The following DPYSL5 variants were observed in gnomAD, a reference collection of about 807,000 sequenced individuals.
DPYSL5 encodes the protein dihydropyrimidinase like 5.
In DPYSL5, 9 loss-of-function variants were observed where a neutral mutation model predicts 58.4. The ratio of observed to expected loss-of-function variants is 0.15; its 90% CI spans 0.09 to 0.27. The LOEUF is 0.27. Among genes scored for constraint, DPYSL5 ranks in the 10% least tolerant of loss-of-function variants. The pLI is 1.00. For synonymous variants in DPYSL5, 293 were observed against 301.9 expected, an observed-to-expected ratio of 0.97 and a Z score of 0.31; for missense variants, 499 against 770.6, an observed-to-expected ratio of 0.65 and a Z score of 4.17.
intron 1 of DPYSL5, among the ~76,000 whole-genome samples, chr2:26,886,143 G>A (rs1267855934): frequency 2.0e-5 from 3 of 152,224 alleles, no homozygotes; most frequent in Non-Finnish European, 4.4e-5. Context: ...GAGAACTGGG[G>A]GTTGTGAAAA....
intron 1 of DPYSL5, among the ~76,000 whole-genome samples, chr2:26,862,644 C>A (rs1451247422): frequency 6.6e-6 from 1 of 152,194 alleles, no homozygotes; most frequent in African/African-American, 2.4e-5. Context: ...TCCCTACCTG[C>A]TCCCTGGCTT....
intron 2 of DPYSL5, among the ~76,000 whole-genome samples, chr2:26,910,979 C>T (rs1315268873): frequency 1.3e-5 from 2 of 151,166 alleles, no homozygotes; most frequent in Admixed American, 1.3e-4. Flanking sequence ...AGATTTTCCC[C>T]TATGTTTTCT....
At chr2:26,861,256 T>C (rs978445605) in intron 1 of DPYSL5, among the ~76,000 whole-genome samples, 1 of 152,244 alleles carries the variant, frequency 6.6e-6, no homozygotes, top group Non-Finnish European at 1.5e-5. Flanking sequence ...GACTATCAAA[T>C]AGCTTTTCCA....
intron 12 of DPYSL5, among the ~76,000 whole-genome samples, chr2:26,945,051 G>T (rs780784218): frequency 7.9e-5 from 12 of 152,120 alleles, no homozygotes; most frequent in Non-Finnish European, 1.3e-4. Flanking sequence ...GGCCCACCTG[G>T]GGCTCTGCTC....
At chr2:26,918,144 A>T (rs1250442220) in intron 2 of DPYSL5, among the ~76,000 whole-genome samples, 1 of 148,228 alleles carries the variant, frequency 6.7e-6, no homozygotes, top group Non-Finnish European at 1.5e-5. Context: ...TCAAAAAAAA[A>T]AAAAAAAAAA....
In DPYSL5 at chr2:26,934,707, C is replaced by T; in HGVS notation, c.920C>T (p.Ser307Leu). 1 of 1,614,196 alleles carries T rather than the reference C, an allele frequency of 6.2e-7. No individual in the cohort carries two copies. The highest frequency in any genetic ancestry group is 8.5e-7 in the Non-Finnish European group (1 of 1,180,034). Reference sequence around the variant, plus strand: ...CCCCTGAGACTGGACACCAACACCTCAACCTACCTCATGAGCCTGCTGGCC... The same window carrying T: ...CCCCTGAGACTGGACACCAACACCTTAACCTACCTCATGAGCCTGCTGGCC... ...VPPLRLDTNTSTYLMSLLAND... is the reference protein window; with the variant it reads ...VPPLRLDTNTLTYLMSLLAND... The change falls in exon 8 of 13, where the codon TCA (serine) becomes TTA (leucine). Residue 307 changes from serine to leucine, a missense_variant. This residue lies in a region of DPYSL5 where 404 missense variants were observed against 647.6 expected (regional missense o/e 0.62). Coordinates refer to ENST00000288699, the MANE Select transcript of DPYSL5 (RefSeq NM_020134.4). The surrounding 1 kb of genome is among the most constrained non-coding windows in gnomAD (Gnocchi z 4.3).
intron 2 of DPYSL5, among the ~76,000 whole-genome samples, chr2:26,907,708 C>T (rs1285775975): frequency 1.3e-5 from 2 of 152,196 alleles, no homozygotes; most frequent in African/African-American, 4.8e-5. Context: ...TCAAGGCGAA[C>T]AGCCTCTCGT....
chr2:26,946,177 G>A (rs1339940035), intron 12 of DPYSL5, among the ~76,000 whole-genome samples: 3 of 152,196 alleles, frequency 2.0e-5, no homozygotes, highest in African/African-American at 4.8e-5. Flanking sequence ...AGACCCACGA[G>A]AGGCACCAAG....
In DPYSL5 at chr2:26,898,782, G is replaced by A. The variant is rs116231110; in HGVS notation, c.261+22G>A. 4.8e-3 allele frequency: 7,683 copies of A among 1,585,836 alleles called. 28 individuals are homozygous for A. Among genetic ancestry groups the A allele is most frequent in the Non-Finnish European group, 5.8e-3 (6,746 of 1,163,198 alleles). ...CAAGGTAATGCTCCTGTTTGCCAAA[G>A]GTGGCTTCCTCTTTGGCTTTTTTAT... On this transcript the variant is annotated intron_variant, in intron 2 of 12. Coordinates refer to ENST00000288699, the MANE Select transcript of DPYSL5 (RefSeq NM_020134.4). This position sits in a 1 kb window ranked among gnomAD's most constrained non-coding sequence, Gnocchi z 6.1.
chr2:26,872,747 T>C (rs1663298244), intron 1 of DPYSL5, among the ~76,000 whole-genome samples: 1 of 151,304 alleles, frequency 6.6e-6, no homozygotes, highest in Admixed American at 6.6e-5. Flanking sequence ...ATATTAAAAA[T>C]GGCGTGAGCC....
chr2:26,882,090 C>CAAAAAAAAA (rs752138649), intron 1 of DPYSL5, among the ~76,000 whole-genome samples: 46 of 40,664 alleles, frequency 1.1e-3, no homozygotes, highest in East Asian at 3.1e-3. Flanking sequence ...GACTCCATCT[C>CAAAAAAAAA]AAAAAAAAAA....
At chr2:26,908,322 G>C (rs1421741067) in intron 2 of DPYSL5, among the ~76,000 whole-genome samples, 1 of 152,186 alleles carries the variant, frequency 6.6e-6, no homozygotes, top group Non-Finnish European at 1.5e-5. Context: ...TAGTAATAGT[G>C]ATAAATTCTA....
intron 9 of DPYSL5, among the ~76,000 whole-genome samples, chr2:26,941,546 A>C (rs902926432): frequency 2.0e-5 from 3 of 152,214 alleles, no homozygotes; most frequent in Admixed American, 6.5e-5. Flanking sequence ...GAGAGTCCAT[A>C]GTACTCTCAT....
chr2:26,865,169 T>A (rs1342147485), intron 1 of DPYSL5, among the ~76,000 whole-genome samples: 1 of 152,186 alleles, frequency 6.6e-6, no homozygotes, highest in Non-Finnish European at 1.5e-5. Flanking sequence ...AAATAACATC[T>A]CTTGTTCCTT....
Position 26,905,208 on chromosome 2 carries a change from G to T in DPYSL5, c.261+6448G>T, listed in dbSNP as rs1170248773. Among the ~76,000 whole-genome samples, 1 of 152,178 alleles carries T rather than the reference G, an allele frequency of 6.6e-6. No homozygotes were observed. The highest frequency in any genetic ancestry group is 1.5e-5 in the Non-Finnish European group (1 of 68,022). ...CAAGACAGTAGCTTTATGAAATGCT[G>T]CTCCTCCCTGCAGGAATAACTGATG... On this transcript the variant is annotated intron_variant, in intron 2 of 12. Coordinates refer to ENST00000288699, the MANE Select transcript of DPYSL5 (RefSeq NM_020134.4). The surrounding 1 kb of genome is among the most constrained non-coding windows in gnomAD (Gnocchi z 4.0).
chr2:26,934,110 C>T lies in DPYSL5; in HGVS notation c.791-468C>T, dbSNP rs1403086955. Among the ~76,000 whole-genome samples, 2 of 152,192 alleles carry T rather than the reference C, an allele frequency of 1.3e-5. No individual in the cohort carries two copies. Among genetic ancestry groups the T allele is most frequent in the Non-Finnish European group, 2.9e-5 (2 of 68,038 alleles). ...GTCCCAGCCTGGTGACTGCTCCCAC[C>T]TCCTGTCTCCCTGTCCTCCAGCCCT... On this transcript the variant is annotated intron_variant, in intron 7 of 12. Transcript: ENST00000288699. This position sits in a 1 kb window ranked among gnomAD's most constrained non-coding sequence, Gnocchi z 4.3.
At chr2:26,850,975 TAC>T (rs1253898056) in intron 1 of DPYSL5, among the ~76,000 whole-genome samples, 1 of 145,476 alleles carries the variant, frequency 6.9e-6, no homozygotes, top group African/African-American at 2.8e-5. Context: ...AATATGTATA[TAC>T]ACACATATAT....
chr2:26,940,144 G>A lies in DPYSL5; in HGVS notation c.1061G>A (p.Arg354His), dbSNP rs868517301. The change falls in exon 9 of 13, where the codon CGC becomes CAC. Residue 354 changes from arginine (R) to histidine (H), a missense_variant. By Grantham distance (29) the Arg-to-His change is conservative (BLOSUM62 0). This residue lies in a region of DPYSL5 where 404 missense variants were observed against 647.6 expected (regional missense o/e 0.62). Transcript: ENST00000288699. ...CATGGAGTGAGTGGCGTGCAGGACC[G>A]CATGAGCGTCATCTGGGAGAGAGGA... Reference protein sequence around the residue: ...IPHGVSGVQDRMSVIWERGVV... With the variant: ...IPHGVSGVQDHMSVIWERGVV... 6.2e-7 allele frequency: 1 copy of A among 1,614,074 alleles called. No homozygotes were observed. Among genetic ancestry groups the A allele is most frequent in the Non-Finnish European group, 8.5e-7 (1 of 1,180,016 alleles).
chr2:26,882,429 C>CTGTGTGTGTGTG (rs145178218), intron 1 of DPYSL5, among the ~76,000 whole-genome samples: 3 of 146,210 alleles, frequency 2.1e-5, no homozygotes, highest in African/African-American at 5.1e-5. Context: ...GTGTGTGTGT[C>CTGTGTGTGTGTG]TGTGTGTGTG....
Sources: gnomAD v4.1 joint callset for allele counts (sites outside exome capture counted in the v4.1 genomes callset) on GRCh38, gnomAD v4.1.1 for gene constraint, gnomAD v4.1.1 regional missense constraint, Gnocchi (gnomAD v3.1) non-coding constraint, MANE v1.5 for transcripts, NCBI Gene and HGNC (gene_info 2026-07-23, HGNC 2026-07-21) for gene names.